TET2: variants seen among roughly 807,000 people sequenced by gnomAD.
The protein encoded by TET2 is methylcytosine dioxygenase TET2.
A neutral mutation model predicts 142.9 loss-of-function variants in TET2; 299 were observed. The ratio of observed to expected loss-of-function variants is 2.09; its 90% CI spans 1.90 to 2.30. The LOEUF (loss-of-function observed/expected upper bound fraction) is 2.30. Ranked by LOEUF, TET2 falls within the 30% of genes most tolerant of loss-of-function variation. The pLI is 0.00. For synonymous variants in TET2, 819 were observed against 849.0 expected (o/e 0.96, Z 0.61); for missense variants, 2,418 against 2,378.0 (o/e 1.02, Z -0.35).
chr4:105,275,957 T>G lies in TET2; in HGVS notation c.5447T>G (p.Leu1816Ter), dbSNP rs762460609. Residue 1816 changes from leucine (L) to a stop codon, truncating the protein, a stop_gained, in exon 11 of 11, where the codon TTA becomes TGA. Transcript: ENST00000380013. LOFTEE classifies it low-confidence loss of function (END_TRUNC). ...HDRTACVQGG[L>*]HKLSDANGQE... is the part of the protein sequence containing the mutation. ...AGAACTGCTTGTGTCCAAGGAGGCT[T>G]ACACAAATTAAGTGATGCTAATGGT... The G allele has an allele frequency of 6.4e-7, 1 of 1,551,844 alleles. No homozygotes were observed. Among genetic ancestry groups the G allele is most frequent in the Non-Finnish European group, 8.7e-7 (1 of 1,147,008 alleles).
rs192528747 is a variant in TET2, at chr4:105,271,229, T to A, written c.4183-1335T>A. Among the ~76,000 whole-genome samples, 8 of 152,294 alleles carry A rather than the reference T, an allele frequency of 5.3e-5. No homozygotes were observed. In the East Asian group the frequency reaches 1.5e-3, roughly 29 times the overall value. ...TAGGTTCTGGTTTCCTAACTTCTGA[T>A]CCAGAAGAACAAACACAAGGCCTAC... is the stretch of plus-strand genomic sequence containing the variant. On this transcript the variant is annotated intron_variant, in intron 9 of 10. Coordinates refer to ENST00000380013, the MANE Select transcript of TET2 (RefSeq NM_001127208.3).
chr4:105,237,340 G>A lies in TET2; in HGVS notation c.3398G>A (p.Cys1133Tyr), dbSNP rs1390086902. Residue 1133 changes from cysteine to tyrosine, a missense_variant, in exon 3 of 11, where the codon TGC becomes TAC. Cys to Tyr is a radical substitution (Grantham distance 194). Transcript: ENST00000380013. ...PVKTQYDFPS[C>Y]RCVEQIIEKD... ...AAGACTCAATATGATTTCCCATCTTGCAGATGTGTAGGTAAGTGCCAGAAA... is the reference window on the plus strand; with the variant it reads ...AAGACTCAATATGATTTCCCATCTTACAGATGTGTAGGTAAGTGCCAGAAA... 1 of 1,613,950 alleles carries A rather than the reference G, an allele frequency of 6.2e-7. No individual in the cohort carries two copies. Among genetic ancestry groups the A allele is most frequent in the Non-Finnish European group, 8.5e-7 (1 of 1,179,984 alleles).
At position 105,275,028 on chromosome 4, in the gene TET2, C is replaced by T. The variant is rs752392095; in HGVS notation, c.4538-20C>T. The T allele has an allele frequency of 6.8e-7, 1 of 1,474,154 alleles. No homozygotes were observed. Among genetic ancestry groups the T allele is most frequent in the Admixed American group, 2.7e-5 (1 of 37,096 alleles). 91.3% of individuals were successfully genotyped at this position (1,474,154 alleles called of 1,614,324 possible). ...AACATCAAAGATACCTGTTTCTGTT[C>T]TCTCTTACCCTGTCCACAGAACTTT... On this transcript the variant is annotated intron_variant, in intron 10 of 10. Transcript: ENST00000380013.
intron 6 of TET2, among the ~76,000 whole-genome samples, chr4:105,244,531 T>G (rs549417839): frequency 1.3e-5 from 2 of 150,278 alleles, no homozygotes; most frequent in South Asian, 2.1e-4. Flanking sequence ...ACTGTGCTGA[T>G]AATCCTGTAT....
Position 105,235,436 on chromosome 4 carries a change from TC to T in TET2, c.1496del (p.Pro499HisfsTer34), listed in dbSNP as rs777656342. ...TACAGACTGCAGGGACAATGACTGTTCCATTGTGTTCTGAGAAAACAAGACC... is the reference window on the plus strand; with the variant it reads ...TACAGACTGCAGGGACAATGACTGTTCATTGTGTTCTGAGAAAACAAGACC... The part of the protein sequence containing the change: ...DIQTAGTMTV[P>X]LCSEKTRPMS... On this transcript the variant is annotated frameshift_variant, in exon 3 of 11. Transcript: ENST00000380013. LOFTEE classifies it high-confidence loss of function. 4 of 1,614,034 alleles carry T rather than the reference TC, an allele frequency of 2.5e-6. No homozygotes were observed. Among genetic ancestry groups the T allele is most frequent in the African/African-American group, 1.3e-5 (1 of 74,916 alleles).
intron 7 of TET2, among the ~76,000 whole-genome samples, chr4:105,260,020 C>T (rs1730345275): frequency 6.6e-6 from 1 of 152,058 alleles, no homozygotes; most frequent in South Asian, 2.1e-4. Flanking sequence ...GGTGTCACTT[C>T]ATTGTTAAAA....
In TET2 at chr4:105,276,847, C is replaced by CCG. The variant is rs373064690; in HGVS notation, c.*329_*330insGC. On this transcript the variant is annotated 3_prime_UTR_variant, in exon 11 of 11. Coordinates refer to ENST00000380013, the MANE Select transcript of TET2 (RefSeq NM_001127208.3). ...TGATATGTAAATGTGATCCCCCCCC[C>CCG]CCGCTTACAACTCTACACATCTGTG... 35 of 221,762 alleles carry CCG rather than the reference C, an allele frequency of 1.6e-4. 3 individuals are homozygous for CCG. Among genetic ancestry groups the CCG allele is most frequent in the African/African-American group, 7.6e-4 (30 of 39,292 alleles). 13.7% of individuals were successfully genotyped at this position (221,762 alleles called of 1,614,324 possible).
Position 105,242,882 on chromosome 4 carries a change from T to C in TET2, c.3549T>C (p.Thr1183=), listed in dbSNP as rs1319650114. 6.4e-7 allele frequency: 1 copy of C among 1,551,438 alleles called. No homozygotes were observed. ...KAIRIERVIY[T]GKEGKSSQGC... ...TTAGGATTGAAAGAGTCATCTATAC[T>C]GGTAAAGAAGGCAAAAGTTCTCAGG... Residue 1183 remains threonine (T), a synonymous_variant, in exon 5 of 11, where the codon ACT becomes ACC. Transcript: ENST00000380013.
At chr4:105,191,658 A>G (rs188820958) in intron 2 of TET2, among the ~76,000 whole-genome samples, 67 of 152,236 alleles carry the variant, frequency 4.4e-4, no homozygotes, top group Non-Finnish European at 8.7e-4. Flanking sequence ...ATAAGTATCC[A>G]CTCTGCCACT....
At chr4:105,195,968 A>G (rs961427419) in intron 2 of TET2, among the ~76,000 whole-genome samples, 8 of 152,100 alleles carry the variant, frequency 5.3e-5, no homozygotes, top group African/African-American at 1.9e-4. Flanking sequence ...ACTCACACAC[A>G]ATACCCTTCC....
In TET2 at chr4:105,209,095, A is replaced by G. The variant is rs1164710989; in HGVS notation, c.-47+18590A>G. Among the ~76,000 whole-genome samples the G allele has an allele frequency of 4.3e-4, 51 of 119,436 alleles. 1 individual carries two copies. Among genetic ancestry groups the G allele is most frequent in the Non-Finnish European group, 5.9e-4 (34 of 57,802 alleles). The allele number at this position is 119,436 out of a possible 152,430, so 78.4% of individuals were successfully genotyped here. A position where few individuals can be genotyped will look rare whatever the true frequency, so the allele number is the denominator to read the frequency against. On this transcript the variant is annotated intron_variant, in intron 2 of 10. Transcript: ENST00000380013. ...TATATATATATATATATATATATATATATGTTTGAGCGAGGGGCACTTCTA... is the reference window on the plus strand; with the variant it reads ...TATATATATATATATATATATATATGTATGTTTGAGCGAGGGGCACTTCTA...
intron 6 of TET2, among the ~76,000 whole-genome samples, chr4:105,245,423 T>C (rs1264560331): frequency 6.6e-6 from 1 of 151,898 alleles, no homozygotes; most frequent in Non-Finnish European, 1.5e-5. Context: ...CTCCATCTCC[T>C]GGGTTCAAGC....
At chr4:105,230,686 T>C (rs1391438) in intron 2 of TET2, among the ~76,000 whole-genome samples, 106,603 of 152,102 alleles carry the variant, frequency 0.7, 38,161 homozygotes, top group African/African-American at 0.85. Context: ...GGTTATTCAT[T>C]TATTTGTAGG....
At chr4:105,219,700 A>G (rs71599043) in intron 2 of TET2, among the ~76,000 whole-genome samples, 4,383 of 152,196 alleles carry the variant, frequency 0.029, 92 homozygotes, top group Middle Eastern at 0.061. Flanking sequence ...ATATGAGACA[A>G]TGTATCAAAC....
intron 2 of TET2, among the ~76,000 whole-genome samples, chr4:105,196,106 T>G (rs1726073750): frequency 1.3e-5 from 2 of 152,024 alleles, no homozygotes; most frequent in South Asian, 4.1e-4. Context: ...CTTTTCATTC[T>G]TCAGAGTCAT....
intron 6 of TET2, among the ~76,000 whole-genome samples, chr4:105,248,568 C>G (rs567398924): frequency 5.9e-5 from 9 of 152,098 alleles, no homozygotes; most frequent in African/African-American, 2.2e-4. Flanking sequence ...TTGAAAGACC[C>G]CTATCAAAAT....
chr4:105,212,975 G>C (rs1224751548), intron 2 of TET2, among the ~76,000 whole-genome samples: 1 of 152,032 alleles, frequency 6.6e-6, no homozygotes, highest in South Asian at 2.1e-4. Flanking sequence ...GGTCGACAGA[G>C]TGAGAATCTG....
intron 2 of TET2, among the ~76,000 whole-genome samples, chr4:105,203,955 CT>C (rs1272927354): frequency 6.6e-6 from 1 of 152,014 alleles, no homozygotes; most frequent in Non-Finnish European, 1.5e-5. Flanking sequence ...AATCGCAGCA[CT>C]TTGGGAGGCC....
chr4:105,159,994 C>T (rs1723765778), intron 1 of TET2, among the ~76,000 whole-genome samples: 1 of 151,726 alleles, frequency 6.6e-6, no homozygotes, highest in Non-Finnish European at 1.5e-5. Context: ...CAGAACGAGA[C>T]TCCGTCTCAG....
Sources: gnomAD v4.1 joint callset for allele counts (sites outside exome capture counted in the v4.1 genomes callset) on GRCh38, gnomAD v4.1.1 for gene constraint, MANE v1.5 for transcripts, NCBI Gene and HGNC (gene_info 2026-07-23, HGNC 2026-07-21) for gene names.